Variants in DEFB114 observed in about 807,000 individuals in gnomAD.
DEFB114 encodes defensin beta 114, also known as beta-defensin 114.
DEFB114 carries 4 observed loss-of-function variants against 2.4 expected under a neutral mutation model. The observed-to-expected ratio is 1.67, with a 90% CI of 0.82 to 3.82. The LOEUF is 3.82. Ranked by LOEUF, DEFB114 falls within the 30% of genes most tolerant of loss-of-function variation. The pLI is 0.01. For missense variants in DEFB114, 113 were observed against 85.8 expected, an observed-to-expected ratio of 1.32 and a Z score of -1.25; for synonymous variants, 35 against 24.6, an observed-to-expected ratio of 1.42 and a Z score of -1.26.
chr6:49,964,058 A>G lies in DEFB114; in HGVS notation c.48T>C (p.Ile16=), dbSNP rs770232340. 6.3e-7 allele frequency: 1 copy of G among 1,584,430 alleles called. No individual in the cohort carries two copies. Among genetic ancestry groups the G allele is most frequent in the Non-Finnish European group, 8.6e-7 (1 of 1,161,646 alleles). The change falls in exon 1 of 2, where the codon ATT becomes ATC. Residue 16 remains isoleucine (I), a synonymous_variant. Transcript: ENST00000322066. ...CAGAGACATCTATCTTACCTGGTAG[A>G]ATGAAGGTCACATAACACAGAAAAT... ...YLHFLCYVTF[I]LPATCTLVNA... is the part of the protein sequence containing the mutation.
At chr6:49,962,603 A>G (rs1042274951) in intron 1 of DEFB114, among the ~76,000 whole-genome samples, 18 of 150,370 alleles carry the variant, frequency 1.2e-4, no homozygotes, top group African/African-American at 4.4e-4. Flanking sequence ...TGTAGTCAAT[A>G]CTATTTTTTC....
At chr6:49,961,516 T>C (rs767028905) in intron 1 of DEFB114, among the ~76,000 whole-genome samples, 28 of 150,998 alleles carry the variant, frequency 1.9e-4, no homozygotes, top group Non-Finnish European at 3.1e-4. Flanking sequence ...CAGCTATCAA[T>C]TGCATTTTAT....
intron 1 of DEFB114, among the ~76,000 whole-genome samples, chr6:49,960,942 T>G (rs547912014): frequency 6.0e-5 from 9 of 151,046 alleles, no homozygotes; most frequent in African/African-American, 2.2e-4. Flanking sequence ...CATTGCAATT[T>G]TAATTGTTAT....
At chr6:49,960,527 T>A (rs1260223249) in intron 1 of DEFB114, 81 bp from the exon 2 acceptor site, 1 of 1,408,068 alleles carries the variant, frequency 7.1e-7, no homozygotes, top group Non-Finnish European at 9.4e-7. Context: ...GTATGATGTG[T>A]ACATTGTATC....
intron 1 of DEFB114, among the ~76,000 whole-genome samples, chr6:49,963,041 A>G (rs1032105124): frequency 3.3e-5 from 5 of 150,390 alleles, no homozygotes; most frequent in Non-Finnish European, 7.5e-5. Flanking sequence ...GAAAATACCC[A>G]GCCCAGATAG....
intron 1 of DEFB114, among the ~76,000 whole-genome samples, chr6:49,963,609 A>C (rs535786738): frequency 6.7e-6 from 1 of 149,958 alleles, no homozygotes; most frequent in Admixed American, 6.7e-5. Context: ...ATTACTATTC[A>C]GTTCAAAATA....
intron 1 of DEFB114, among the ~76,000 whole-genome samples, chr6:49,961,488 C>T (rs1244579141): frequency 6.6e-6 from 1 of 150,724 alleles, no homozygotes; most frequent in Non-Finnish European, 1.5e-5. Context: ...GCTAAACTCA[C>T]AAACTCTAGA....
chr6:49,960,744 C>A (rs945867950), intron 1 of DEFB114, among the ~76,000 whole-genome samples: 1 of 150,626 alleles, frequency 6.6e-6, no homozygotes, highest in Non-Finnish European at 1.5e-5. Flanking sequence ...TAGAGCTACA[C>A]GACAATGTGC....
intron 1 of DEFB114, among the ~76,000 whole-genome samples, chr6:49,963,667 C>A (rs911085744): frequency 6.7e-6 from 1 of 149,724 alleles, no homozygotes; most frequent in Non-Finnish European, 1.5e-5. Flanking sequence ...TATTGATATT[C>A]CAAGAAATAT....
chr6:49,961,551 C>T (rs1773461622), intron 1 of DEFB114, among the ~76,000 whole-genome samples: 1 of 150,720 alleles, frequency 6.6e-6, no homozygotes, highest in Non-Finnish European at 1.5e-5. Flanking sequence ...ATTTTTGAAA[C>T]AGAAACAGCT....
chr6:49,962,458 T>C (rs755646972), intron 1 of DEFB114, among the ~76,000 whole-genome samples: 1 of 150,492 alleles, frequency 6.6e-6, no homozygotes, highest in South Asian at 2.1e-4. Flanking sequence ...TTTTTTATAC[T>C]GTTTTATGTA....
chr6:49,963,843 TC>T (rs903953636), intron 1 of DEFB114, among the ~76,000 whole-genome samples: 1 of 150,054 alleles, frequency 6.7e-6, no homozygotes, highest in African/African-American at 2.4e-5. Context: ...CTTCATTATC[TC>T]ATTTTATCTA....
intron 1 of DEFB114, among the ~76,000 whole-genome samples, chr6:49,960,763 T>C (rs925878550): frequency 2.6e-4 from 40 of 150,992 alleles, no homozygotes; most frequent in South Asian, 2.1e-4. Flanking sequence ...GCATAATCTT[T>C]CAGCTGTTTT....
In DEFB114 at chr6:49,961,816, G is replaced by A. The variant is rs190420769; in HGVS notation, c.56-1370C>T. 2.0e-5 allele frequency among the ~76,000 whole-genome samples: 3 copies of A among 150,670 alleles called. No individual in the cohort carries two copies. The Admixed American group carries it at 2.0e-4, about 10-fold the overall frequency. On this transcript the variant is annotated intron_variant, in intron 1 of 1. Transcript: ENST00000322066. Reference sequence around the variant, plus strand: ...CTTTCAGTTAAAAAAAAATTGTCTTGATTTATATTTTGTTTAAGCCTGCTC... The same window carrying A: ...CTTTCAGTTAAAAAAAAATTGTCTTAATTTATATTTTGTTTAAGCCTGCTC...
Position 49,964,050 on chromosome 6 carries a change from C to A in DEFB114, c.55+1G>T, listed in dbSNP as rs768828999. The A allele has an allele frequency of 6.4e-7, 1 of 1,574,198 alleles. No individual in the cohort carries two copies. The highest frequency in any genetic ancestry group is 1.2e-5 in the South Asian group (1 of 86,392). On this transcript the variant is annotated splice_donor_variant, in intron 1 of 1. Transcript: ENST00000322066. LOFTEE classifies it high-confidence loss of function. Reference sequence around the variant, plus strand: ...AAATATAACAGAGACATCTATCTTACCTGGTAGAATGAAGGTCACATAACA... The same window carrying A: ...AAATATAACAGAGACATCTATCTTAACTGGTAGAATGAAGGTCACATAACA...
rs779930378 is a variant in DEFB114 at position 49,964,041 on chromosome 6, T to A, written c.55+10A>T. Reference sequence around the variant, plus strand: ...GTTTTACACAAATATAACAGAGACATCTATCTTACCTGGTAGAATGAAGGT... The same window carrying A: ...GTTTTACACAAATATAACAGAGACAACTATCTTACCTGGTAGAATGAAGGT... On this transcript the variant is annotated intron_variant, in intron 1 of 1. Transcript: ENST00000322066. The A allele has an allele frequency of 1.3e-5, 20 of 1,553,692 alleles. No individual in the cohort carries two copies. Among genetic ancestry groups the A allele is most frequent in the Non-Finnish European group, 1.7e-5 (19 of 1,141,294 alleles).
chr6:49,960,254 C>T lies in DEFB114; in HGVS notation c.*38G>A. 6.4e-7 allele frequency: 1 copy of T among 1,555,196 alleles called. No individual in the cohort carries two copies. Among genetic ancestry groups the T allele is most frequent in the Non-Finnish European group, 8.7e-7 (1 of 1,153,400 alleles). On this transcript the variant is annotated 3_prime_UTR_variant, in exon 2 of 2. Coordinates refer to ENST00000322066, the MANE Select transcript of DEFB114 (RefSeq NM_001037499.2). ...ATTCCCACACCTCTCTGCACTGGTG[C>T]ACATGTAACTTCTTTGTTCAGAGGT...
chr6:49,960,522 A>T (rs1773440819), intron 1 of DEFB114, 76 bp from the exon 2 acceptor site: 2 of 1,439,778 alleles, frequency 1.4e-6, no homozygotes, highest in East Asian at 2.4e-5. Context: ...ATAGAGTATG[A>T]TGTGTACATT....
rs191511887 is a variant in DEFB114, at chr6:49,963,614, A to G, written c.55+437T>C. 8.5e-3 allele frequency among the ~76,000 whole-genome samples: 1,282 copies of G among 150,112 alleles called. 25 individuals are homozygous for G. The highest frequency in any genetic ancestry group is 0.029 in the African/African-American group (1,183 of 41,352). On this transcript the variant is annotated intron_variant, in intron 1 of 1. Transcript: ENST00000322066. ...TCTCATTTTTATTACTATTCAGTTC[A>G]AAATATTTTCTAATATCCATTTGAT...
Sources: allele counts gnomAD v4.1 joint callset (sites outside exome capture counted in the v4.1 genomes callset), GRCh38; gene constraint gnomAD v4.1.1; transcripts MANE v1.5; gene names NCBI Gene and HGNC (gene_info 2026-07-23, HGNC 2026-07-21).